Variants in ADAMTSL1 observed in about 807,000 individuals in gnomAD.
ADAMTSL1 encodes ADAMTS like 1.
A neutral mutation model predicts 201.8 loss-of-function variants in ADAMTSL1; 126 were observed. That is an observed-to-expected ratio of 0.62 (90% CI 0.54 to 0.72). The LOEUF (loss-of-function observed/expected upper bound fraction) is 0.72, where lower values mean the gene tolerates loss of function less well. ADAMTSL1 is among the 30% of genes least tolerant of loss of function. The pLI is 0.00. For synonymous variants in ADAMTSL1, 1,121 were observed against 903.4 expected (o/e 1.24, Z -4.32); for missense variants, 2,679 against 2,277.8 (o/e 1.18, Z -3.59).
chr9:18,496,950 C>T (rs745834769), intron 1 of ADAMTSL1, among the ~76,000 whole-genome samples: 1 of 152,148 alleles, frequency 6.6e-6, no homozygotes, highest in Non-Finnish European at 1.5e-5. Context: ...ACAAAAAGAG[C>T]AGAGAGAGAA....
chr9:18,214,993 T>C (rs886724815), intron 2 of ADAMTSL1, among the ~76,000 whole-genome samples: 5 of 152,192 alleles, frequency 3.3e-5, no homozygotes, highest in African/African-American at 9.6e-5. Flanking sequence ...TTTGGTTTTC[T>C]TTATAACTCA....
intron 23 of ADAMTSL1, among the ~76,000 whole-genome samples, chr9:18,879,643 C>T (rs1019312426): frequency 1.4e-4 from 22 of 152,160 alleles, no homozygotes; most frequent in African/African-American, 5.1e-4. Flanking sequence ...TTTAAAAATA[C>T]TTTATTGCTA....
intron 1 of ADAMTSL1, among the ~76,000 whole-genome samples, chr9:17,931,474 A>C (rs1376739568): frequency 6.6e-6 from 1 of 152,210 alleles, no homozygotes; most frequent in African/African-American, 2.4e-5. Context: ...AGGAGACGGC[A>C]TTTAGAGACA....
chr9:17,996,598 C>T (rs1005193281), intron 1 of ADAMTSL1, among the ~76,000 whole-genome samples: 1 of 151,994 alleles, frequency 6.6e-6, no homozygotes, highest in African/African-American at 2.4e-5. Flanking sequence ...TCTTATTGTA[C>T]TGGGTATTGT....
chr9:18,391,248 C>T (rs1398452321), intron 2 of ADAMTSL1, among the ~76,000 whole-genome samples: 1 of 152,094 alleles, frequency 6.6e-6, no homozygotes, highest in Non-Finnish European at 1.5e-5. Context: ...TTAAAATCTA[C>T]TTTCTTGGCC....
rs770677470 is a variant in ADAMTSL1, at chr9:18,890,546, TTTGCCAGC to T, written c.4643+800_4643+807del. 3.5e-5 allele frequency: 16 copies of T among 456,000 alleles called. 1 individual carries two copies. The highest frequency in any genetic ancestry group is 2.5e-4 in the South Asian group (16 of 64,548). 28.2% of individuals were successfully genotyped at this position (456,000 alleles called of 1,614,324 possible). ...CAATACTTAGGCAACTGCTTTCTGT[TTTGCCAGC>T]TGAGTCATAAGGAGCAGCTGAAACC... On this transcript the variant is annotated intron_variant, in intron 25 of 28. Coordinates refer to ENST00000380548, the MANE Select transcript of ADAMTSL1 (RefSeq NM_001040272.6).
At chr9:18,638,229 G>A (rs529752787) in intron 6 of ADAMTSL1, among the ~76,000 whole-genome samples, 3 of 152,068 alleles carry the variant, frequency 2.0e-5, no homozygotes, top group African/African-American at 7.2e-5. Flanking sequence ...GATATTCTTT[G>A]CAATAGAGAA....
intron 2 of ADAMTSL1, among the ~76,000 whole-genome samples, chr9:18,378,075 C>A (rs1837385550): frequency 6.6e-6 from 1 of 152,168 alleles, no homozygotes; most frequent in South Asian, 2.1e-4. Context: ...AAGGCATCTT[C>A]TTTCTTCCCT....
intron 1 of ADAMTSL1, among the ~76,000 whole-genome samples, chr9:17,914,325 G>A: frequency 6.6e-6 from 1 of 152,106 alleles, no homozygotes; most frequent in Admixed American, 6.5e-5. Flanking sequence ...TATCCACCAT[G>A]ATCAAGTGGG....
At chr9:18,320,510 TA>T (rs1197561085) in intron 2 of ADAMTSL1, among the ~76,000 whole-genome samples, 1 of 152,174 alleles carries the variant, frequency 6.6e-6, no homozygotes, top group African/African-American at 2.4e-5. Context: ...TAACAACTGC[TA>T]AAAGAGTTCT....
rs111677006 is a variant in ADAMTSL1 at position 18,292,155 on chromosome 9, A to G, written c.207+128174A>G. Among the ~76,000 whole-genome samples the G allele has an allele frequency of 3.9e-5, 6 of 152,226 alleles. No homozygotes were observed. The South Asian group carries it at 6.2e-4, about 16-fold the overall frequency. On this transcript the variant is annotated intron_variant, in intron 2 of 29. Coordinates refer to the ADAMTSL1 transcript ENST00000680146. The stretch of plus-strand genomic sequence containing the variant: ...GGTCATTTAGTAAATGGAAATATCA[A>G]TCCAAAGAAGGATCTGGATCTGCGT...
At chr9:17,952,917 C>CCCTCCTCCTCCTCCT (rs59567399) in intron 1 of ADAMTSL1, among the ~76,000 whole-genome samples, 16 of 145,992 alleles carry the variant, frequency 1.1e-4, no homozygotes, top group African/African-American at 2.3e-4. Flanking sequence ...TTCCTCCTTT[C>CCCTCCTCCTCCTCCT]CCTCCTCCTC....
intron 15 of ADAMTSL1, among the ~76,000 whole-genome samples, chr9:18,722,012 C>T (rs538131924): frequency 6.6e-6 from 1 of 152,298 alleles, no homozygotes; most frequent in East Asian, 1.9e-4. Flanking sequence ...CCTAAGCACT[C>T]ACACCATAGT....
intron 3 of ADAMTSL1, among the ~76,000 whole-genome samples, chr9:18,544,152 G>A (rs963618958): frequency 5.3e-5 from 8 of 152,116 alleles, no homozygotes; most frequent in African/African-American, 1.9e-4. Flanking sequence ...CTCAGTTATA[G>A]TATTCCTTTA....
chr9:18,694,870 C>A (rs762666531), intron 13 of ADAMTSL1, among the ~76,000 whole-genome samples: 6 of 152,218 alleles, frequency 3.9e-5, no homozygotes, highest in Non-Finnish European at 5.9e-5. Flanking sequence ...GGTCTCTGTT[C>A]CTGCAACAGA....
chr9:18,452,196 A>G (rs1055707392), intron 2 of ADAMTSL1, among the ~76,000 whole-genome samples: 3 of 152,100 alleles, frequency 2.0e-5, no homozygotes, highest in African/African-American at 7.2e-5. Context: ...TACAGGCATG[A>G]GCCACCGCAC....
chr9:18,160,052 C>A (rs896924970), intron 1 of ADAMTSL1, among the ~76,000 whole-genome samples: 1 of 152,030 alleles, frequency 6.6e-6, no homozygotes, highest in Admixed American at 6.6e-5. Flanking sequence ...CAGTCCCATT[C>A]AAGAGAATTT....
chr9:18,198,474 G>A (rs113464331), intron 2 of ADAMTSL1, among the ~76,000 whole-genome samples: 1,172 of 144,952 alleles, frequency 8.1e-3, no homozygotes, highest in Middle Eastern at 0.051. Context: ...TTCTCAAAAG[G>A]AGACATTTAT....
intron 2 of ADAMTSL1, among the ~76,000 whole-genome samples, chr9:18,175,748 T>A (rs1043020055): frequency 2.6e-5 from 4 of 152,070 alleles, no homozygotes; most frequent in African/African-American, 9.7e-5. Flanking sequence ...CAGGGTGGCC[T>A]TGTCTCTCCA....
Sources: gnomAD v4.1 joint callset for allele counts (sites outside exome capture counted in the v4.1 genomes callset) on GRCh38, gnomAD v4.1.1 for gene constraint, MANE v1.5 for transcripts, NCBI Gene and HGNC (gene_info 2026-07-23, HGNC 2026-07-21) for gene names.